The following TMEM200C variants were observed in gnomAD, a reference collection of about 807,000 sequenced individuals.
The protein encoded by TMEM200C is transmembrane protein TTMA.
For missense variants in TMEM200C, 966 were observed against 699.9 expected, an observed-to-expected ratio of 1.38 and a Z score of -4.29; for synonymous variants, 462 against 324.7, an observed-to-expected ratio of 1.42 and a Z score of -4.55.
chr18:5,893,119 A>G (rs1048967302), intron 2 of TMEM200C, among the ~76,000 whole-genome samples: 1 of 152,168 alleles, frequency 6.6e-6, no homozygotes, highest in African/African-American at 2.4e-5. Flanking sequence ...GGAAAATTAC[A>G]ATTAAAAAAA....
Position 5,891,174 on chromosome 18 carries a change from C to T in TMEM200C, c.890G>A (p.Arg297Gln), listed in dbSNP as rs1029555131. ...CAGGTCCGGCGGGGACGCGGCGCCC[C>T]GAGGGCGGCCGCCGCTCGGCGCCGC... Residue 297 changes from arginine to glutamine, a missense_variant, in exon 3 of 3, where the codon CGG (arginine) becomes CAG (glutamine). Physicochemically the swap from Arg to Gln is conservative, Grantham distance 43. Transcript: ENST00000581347. The surrounding 1 kb of genome is among the most constrained non-coding windows in gnomAD (Gnocchi z 4.7). 1.7e-5 allele frequency: 12 copies of T among 689,678 alleles called. No individual in the cohort carries two copies. The highest frequency in any genetic ancestry group is 1.7e-4 in the African/African-American group (9 of 53,132). The allele number at this position is 689,678 out of a possible 1,614,324, so 42.7% of individuals were successfully genotyped here. A position where few individuals can be genotyped will look rare whatever the true frequency, so the allele number is the denominator to read the frequency against.
chr18:5,891,592 C>T lies in TMEM200C; in HGVS notation c.472G>A (p.Gly158Ser). Residue 158 changes from glycine to serine, a missense_variant, in exon 3 of 3, where the codon GGC becomes AGC. Transcript: ENST00000581347. This position sits in a 1 kb window ranked among gnomAD's most constrained non-coding sequence, Gnocchi z 4.7. The stretch of plus-strand genomic sequence containing the variant: ...TTGAGCTTGTCAGAGTGCAGGTAGC[C>T]AGAGAAGATGCGGAAGAAGAAGCCC... The T allele has an allele frequency of 5.0e-6, 8 of 1,613,790 alleles. No homozygotes were observed. Among genetic ancestry groups the T allele is most frequent in the Non-Finnish European group, 6.8e-6 (8 of 1,179,842 alleles).
rs763098598 is a variant in TMEM200C at position 5,891,811 on chromosome 18, C to T, written c.253G>A (p.Gly85Arg). The T allele has an allele frequency of 1.2e-6, 2 of 1,604,880 alleles. No individual in the cohort carries two copies. Among genetic ancestry groups the T allele is most frequent in the Non-Finnish European group, 1.7e-6 (2 of 1,177,272 alleles). ...CCCGCAGGCGGCAGCTGCTTACCCC[C>T]CTCCCGATTGGTCCCGGTGGCCTTG... The change falls in exon 3 of 3, where the codon GGG (glycine) becomes AGG (arginine). Residue 85 changes from glycine to arginine, a missense_variant. Physicochemically the swap from Gly to Arg is moderately radical, Grantham distance 125. Coordinates refer to ENST00000581347, the Ensembl canonical transcript of TMEM200C. The surrounding 1 kb of genome is among the most constrained non-coding windows in gnomAD (Gnocchi z 4.7).
intron 2 of TMEM200C, among the ~76,000 whole-genome samples, chr18:5,894,395 A>G (rs1384443815): frequency 6.6e-6 from 1 of 152,200 alleles, no homozygotes; most frequent in East Asian, 1.9e-4. Flanking sequence ...GACACGAAAT[A>G]CAGACAAAGG....
chr18:5,891,676 C>T lies in TMEM200C; in HGVS notation c.388G>A (p.Ala130Thr), dbSNP rs757578943. 1.2e-6 allele frequency: 2 copies of T among 1,613,520 alleles called. No individual in the cohort carries two copies. Among genetic ancestry groups the T allele is most frequent in the African/African-American group, 2.7e-5 (2 of 74,878 alleles). The stretch of plus-strand genomic sequence containing the variant: ...CGTGCTGGAGGCGTGCTCCTGGGCG[C>T]GCCCGCGGAACTGGAGTTGACACCC... Residue 130 changes from alanine to threonine, a missense_variant, in exon 3 of 3, where the codon GCG becomes ACG. Transcript: ENST00000581347. This position sits in a 1 kb window ranked among gnomAD's most constrained non-coding sequence, Gnocchi z 4.7.
At chr18:5,884,156 A>G (rs1026673669) in exon 3 of TMEM200C, 8 of 152,160 alleles carry the variant, frequency 5.3e-5, no homozygotes, top group African/African-American at 1.7e-4. Context: ...ATCTATATCT[A>G]TAGATCAGAG....
chr18:5,890,599 A>C, exon 3 of TMEM200C: 8 of 1,086,850 alleles, frequency 7.4e-6, no homozygotes, highest in African/African-American at 1.7e-5. Flanking sequence ...CTCCCCGGGG[A>C]GGGCGGGGGC....
intron 2 of TMEM200C, among the ~76,000 whole-genome samples, chr18:5,894,451 A>G (rs1268698101): frequency 6.6e-6 from 1 of 152,198 alleles, no homozygotes; most frequent in East Asian, 1.9e-4. Flanking sequence ...CTTTATACCT[A>G]ATGAAAGAAA....
chr18:5,893,376 G>A (rs1220760709), intron 2 of TMEM200C, among the ~76,000 whole-genome samples: 1 of 147,592 alleles, frequency 6.8e-6, no homozygotes, highest in Non-Finnish European at 1.5e-5. Flanking sequence ...CTACTCTTAG[G>A]AAGTTTATTT....
intron 2 of TMEM200C, among the ~76,000 whole-genome samples, 197 bp downstream of exon 1, chr18:5,894,833 G>A (rs1179692459): frequency 6.6e-6 from 1 of 152,232 alleles, no homozygotes; most frequent in Non-Finnish European, 1.5e-5. Context: ...CAGGAGCCAA[G>A]TGAGGGCAAT....
chr18:5,891,355 G>A lies in TMEM200C; in HGVS notation c.709C>T (p.Pro237Ser). 7.5e-7 allele frequency: 1 copy of A among 1,337,536 alleles called. No individual in the cohort carries two copies. The highest frequency in any genetic ancestry group is 9.5e-7 in the Non-Finnish European group (1 of 1,047,754). The allele number at this position is 1,337,536 out of a possible 1,614,324, so 82.9% of individuals were successfully genotyped here. A position where few individuals can be genotyped will look rare whatever the true frequency, so the allele number is the denominator to read the frequency against. ...ATGGCCCCGGGGGGCGCCGCGGCGG[G>A]GGCAGACGACGACGAAGAGGCGGCG... Residue 237 changes from proline to serine, a missense_variant, in exon 3 of 3, where the codon CCC (proline) becomes TCC (serine). Transcript: ENST00000581347. This position sits in a 1 kb window ranked among gnomAD's most constrained non-coding sequence, Gnocchi z 4.7.
At chr18:5,886,271 T>C (rs1046091685) in exon 3 of TMEM200C, 2 of 152,150 alleles carry the variant, frequency 1.3e-5, no homozygotes. Context: ...TGAAGCCTAA[T>C]AGGGGGCTGA....
chr18:5,891,831 G>A lies in TMEM200C; in HGVS notation c.233C>T (p.Ala78Val), dbSNP rs1174228268. The change falls in exon 3 of 3, where the codon GCC (alanine) becomes GTC (valine). Residue 78 changes from alanine to valine, a missense_variant. Coordinates refer to ENST00000581347, the Ensembl canonical transcript of TMEM200C. This position sits in a 1 kb window ranked among gnomAD's most constrained non-coding sequence, Gnocchi z 4.7. ...ACCCCCCTCCCGATTGGTCCCGGTG[G>A]CCTTGGGCCAGTAGCCCACCACCGC... 3.7e-6 allele frequency: 6 copies of A among 1,606,460 alleles called. No individual in the cohort carries two copies. The highest frequency in any genetic ancestry group is 3.3e-5 in the South Asian group (3 of 91,060).
At chr18:5,886,535 G>A (rs2144434855) in exon 3 of TMEM200C, 1 of 152,180 alleles carries the variant, frequency 6.6e-6, no homozygotes, top group East Asian at 1.9e-4. Context: ...AAATTTTAAA[G>A]ACTTTTTAGT....
rs1228580384 is a variant in TMEM200C, at chr18:5,891,429, C to T, written c.635G>A (p.Ser212Asn). ...GGCCGCCAGGTCTTTGGCGCGGAGG[C>T]TGTGCACGTCGATGACGGTGGAGTA... The change falls in exon 3 of 3, where the codon AGC becomes AAC. Residue 212 changes from serine (S) to asparagine (N), a missense_variant. Transcript: ENST00000581347. This position sits in a 1 kb window ranked among gnomAD's most constrained non-coding sequence, Gnocchi z 4.7. 1.3e-6 allele frequency: 2 copies of T among 1,534,706 alleles called. No homozygotes were observed. The highest frequency in any genetic ancestry group is 2.0e-5 in the Admixed American group (1 of 50,466).
rs2095170449 is a variant in TMEM200C at position 5,891,159 on chromosome 18, G to C, written c.905C>G (p.Pro302Arg). 3.7e-6 allele frequency: 2 copies of C among 546,696 alleles called. No homozygotes were observed. The highest frequency in any genetic ancestry group is 5.5e-6 in the Non-Finnish European group (2 of 360,770). The allele number at this position is 546,696 out of a possible 1,614,324, so 33.9% of individuals were successfully genotyped here. A position where few individuals can be genotyped will look rare whatever the true frequency, so the allele number is the denominator to read the frequency against. Residue 302 changes from proline (P) to arginine (R), a missense_variant, in exon 3 of 3, where the codon CCG becomes CGG. Pro to Arg is a moderately radical substitution (Grantham distance 103). Transcript: ENST00000581347. The surrounding 1 kb of genome is among the most constrained non-coding windows in gnomAD (Gnocchi z 4.7). ...GCGCGGGGAAGAGGCCAGGTCCGGC[G>C]GGGACGCGGCGCCCCGAGGGCGGCC...
At chr18:5,892,881 T>C (rs2095172631) in intron 2 of TMEM200C, among the ~76,000 whole-genome samples, 1 of 152,212 alleles carries the variant, frequency 6.6e-6, no homozygotes, top group African/African-American at 2.4e-5. Flanking sequence ...TACAGCTATG[T>C]GCAGGCAGAT....
At chr18:5,895,355 G>C (rs1185792268) in exon 2 of TMEM200C, 1 of 151,514 alleles carries the variant, frequency 6.6e-6, no homozygotes, top group Non-Finnish European at 1.5e-5. Context: ...CGGCGCTCCC[G>C]GGCGGGCCCC....
exon 3 of TMEM200C, chr18:5,883,962 A>T (rs1268054578): frequency 6.6e-6 from 1 of 152,164 alleles, no homozygotes; most frequent in African/African-American, 2.4e-5. Flanking sequence ...GTCCAATAAG[A>T]ATTTAGTTTG....
Sources: gnomAD v4.1 joint callset for allele counts (sites outside exome capture counted in the v4.1 genomes callset) on GRCh38, gnomAD v4.1.1 for gene constraint, Gnocchi (gnomAD v3.1) non-coding constraint, MANE v1.5 for transcripts, NCBI Gene and HGNC (gene_info 2026-07-23, HGNC 2026-07-21) for gene names.